SPDYE10: variants seen among roughly 807,000 people sequenced by gnomAD.
SPDYE10 encodes speedy protein E10.
the SPDYE10 span, among the ~76,000 whole-genome samples, chr7:73,114,177 TGA>T: frequency 1.6e-5 from 2 of 124,576 alleles, no homozygotes; most frequent in African/African-American, 5.7e-5. Context: ...GGTGACAGAG[TGA>T]GACTCTGTCT....
the SPDYE10 span, among the ~76,000 whole-genome samples, chr7:73,135,091 A>T: frequency 2.6e-5 from 4 of 152,266 alleles, no homozygotes; most frequent in Non-Finnish European, 5.9e-5. Flanking sequence ...GATCTGACTC[A>T]TAGGTGTTCC....
At chr7:73,134,899 A>C in the SPDYE10 span, among the ~76,000 whole-genome samples, 628 of 151,110 alleles carry the variant, frequency 4.2e-3, no homozygotes, top group Admixed American at 6.4e-3. Context: ...GAAAGAAAAA[A>C]AAAATGCTGA....
the SPDYE10 span, among the ~76,000 whole-genome samples, chr7:73,134,301 C>T: frequency 1.4e-5 from 2 of 138,422 alleles, no homozygotes; most frequent in East Asian, 4.0e-4. Context: ...TGTTCTCACT[C>T]ATAGGTGGGA....
chr7:73,143,034 AGAAG>A, the SPDYE10 span, among the ~76,000 whole-genome samples: 1 of 131,854 alleles, frequency 7.6e-6, no homozygotes, highest in African/African-American at 2.8e-5. Flanking sequence ...AAGGAAGGAA[AGAAG>A]GAAGGAAGAA....
At chr7:73,123,788 CCTCT>C in the SPDYE10 span, among the ~76,000 whole-genome samples, 3,831 of 97,282 alleles carry the variant, frequency 0.039, 22 homozygotes, top group East Asian at 0.073. Flanking sequence ...TCTCTCTCTC[CCTCT>C]CTCTCTCTCT....
the SPDYE10 span, among the ~76,000 whole-genome samples, chr7:73,142,496 T>C: frequency 1.3e-5 from 2 of 152,148 alleles, no homozygotes; most frequent in East Asian, 1.9e-4. Context: ...ATTACAGACA[T>C]GAGCTATATA....
At chr7:73,123,016 G>T in the SPDYE10 span, among the ~76,000 whole-genome samples, 1 of 152,090 alleles carries the variant, frequency 6.6e-6, no homozygotes, top group Non-Finnish European at 1.5e-5. Flanking sequence ...GCACAGCACT[G>T]AGGGCCACTC....
chr7:73,137,898 A>G, the SPDYE10 span, among the ~76,000 whole-genome samples: 2 of 119,270 alleles, frequency 1.7e-5, no homozygotes, highest in African/African-American at 6.5e-5. Flanking sequence ...GGAGAGGGGA[A>G]GGGGAGGGGA....
At chr7:73,149,295 T>TGG in the SPDYE10 span, among the ~76,000 whole-genome samples, 69 of 98,208 alleles carry the variant, frequency 7.0e-4, no homozygotes, top group Middle Eastern at 6.0e-3. Context: ...AGCTATTTTT[T>TGG]GGGGGGGCGG....
chr7:73,155,192 C>G, the SPDYE10 span: 18 of 167,918 alleles, frequency 1.1e-4, no homozygotes, highest in Non-Finnish European at 1.3e-4. Context: ...GGCTCGTCCC[C>G]CCGCGGATGA....
At chr7:73,137,321 C>CT in the SPDYE10 span, among the ~76,000 whole-genome samples, 1 of 150,558 alleles carries the variant, frequency 6.6e-6, no homozygotes, top group Non-Finnish European at 1.5e-5. Flanking sequence ...TGAGACCATC[C>CT]TGGCTAACAC....
chr7:73,154,546 C>T, the SPDYE10 span, among the ~76,000 whole-genome samples: 1 of 145,284 alleles, frequency 6.9e-6, no homozygotes, highest in African/African-American at 2.7e-5. Context: ...TCCGCACTCT[C>T]ATGACCGATT....
At chr7:73,137,598 G>T in the SPDYE10 span, among the ~76,000 whole-genome samples, 1 of 19,946 alleles carries the variant, frequency 5.0e-5, no homozygotes, top group East Asian at 1.6e-3. Flanking sequence ...AGAGATGAAA[G>T]AAAGAAAGAA....
At chr7:73,137,642 G>GAAA in the SPDYE10 span, among the ~76,000 whole-genome samples, 9 of 94,298 alleles carry the variant, frequency 9.5e-5, no homozygotes, top group South Asian at 1.1e-3. Context: ...AAGAAAGAAA[G>GAAA]GAGAAAGAAA....
At chr7:73,134,936 G>A in the SPDYE10 span, among the ~76,000 whole-genome samples, 1 of 152,308 alleles carries the variant, frequency 6.6e-6, no homozygotes. Context: ...GAGTGGGGAG[G>A]AGAGGAGAAG....
At chr7:73,150,948 A>ATAT in the SPDYE10 span, among the ~76,000 whole-genome samples, 4 of 4,940 alleles carry the variant, frequency 8.1e-4, no homozygotes, top group African/African-American at 2.7e-3. Flanking sequence ...ATATATATAT[A>ATAT]TTTTTTTTTT....
the SPDYE10 span, among the ~76,000 whole-genome samples, chr7:73,130,826 AC>A: frequency 7.0e-6 from 1 of 143,512 alleles, no homozygotes; most frequent in Non-Finnish European, 1.5e-5. Context: ...ATACATATGC[AC>A]AGGTTGTATG....
the SPDYE10 span, among the ~76,000 whole-genome samples, chr7:73,132,545 T>TAAA: frequency 1.4e-5 from 1 of 73,664 alleles, no homozygotes; most frequent in Non-Finnish European, 2.7e-5. Context: ...AGACCCTGTC[T>TAAA]CAAAAAAAAA....
At chr7:73,116,978 C>T in the SPDYE10 span, among the ~76,000 whole-genome samples, 3 of 152,086 alleles carry the variant, frequency 2.0e-5, no homozygotes, top group East Asian at 3.8e-4. Context: ...TCACTATAAC[C>T]TCCACCTCCC....
Sources: allele counts gnomAD v4.1 joint callset (sites outside exome capture counted in the v4.1 genomes callset), GRCh38; gene constraint gnomAD v4.1.1; transcripts MANE v1.5; gene names NCBI Gene and HGNC (gene_info 2026-07-23, HGNC 2026-07-21).